The following TRIM37 variants were observed in gnomAD, a reference collection of about 807,000 sequenced individuals.
The protein encoded by TRIM37 is E3 ubiquitin-protein ligase TRIM37.
In TRIM37, 80 loss-of-function variants were observed where a neutral mutation model predicts 129.8. The ratio of observed to expected loss-of-function variants is 0.62; its 90% CI spans 0.51 to 0.74. TRIM37 has a LOEUF of 0.74. Ranked by LOEUF, TRIM37 falls within the 30% of genes least tolerant of loss-of-function variation. The probability of loss-of-function intolerance (pLI) is 0.00; values close to 1 mark genes in which losing one functional copy is unlikely to be tolerated. For synonymous variants in TRIM37, 389 were observed against 387.1 expected, an observed-to-expected ratio of 1.00 and a Z score of -0.06; for missense variants, 1,054 against 1,176.5, an observed-to-expected ratio of 0.90 and a Z score of 1.52.
At chr17:59,062,194 A>G (rs1333883372) in intron 11 of TRIM37, among the ~76,000 whole-genome samples, 2 of 152,336 alleles carry the variant, frequency 1.3e-5, no homozygotes, top group East Asian at 3.9e-4. Context: ...AAAGAAAATT[A>G]GTTTATTATC....
the TRIM37 span, among the ~76,000 whole-genome samples, chr17:58,973,950 TC>T: frequency 2.3e-5 from 1 of 44,098 alleles, no homozygotes. Flanking sequence ...AGACTCCATC[TC>T]AAAAAAAAAA....
intron 21 of TRIM37, among the ~76,000 whole-genome samples, chr17:59,013,858 C>T (rs1293133101): frequency 1.3e-5 from 2 of 151,798 alleles, no homozygotes; most frequent in African/African-American, 4.8e-5. Context: ...TTTGCTTACA[C>T]TACTTTAAAT....
chr17:59,051,398 C>G lies in TRIM37; in HGVS notation c.1200-70G>C. The stretch of plus-strand genomic sequence containing the variant: ...AACATTATCAGTCTAGCACTGAATT[C>G]TGCAATTTGGGTTAACTTGATTATA... On this transcript the variant is annotated intron_variant, in intron 13 of 23. Transcript: ENST00000262294. The G allele has an allele frequency of 3.6e-6, 4 of 1,124,514 alleles. No individual in the cohort carries two copies. The Admixed American group carries it at 7.2e-5, about 20-fold the overall frequency. 69.7% of individuals were successfully genotyped at this position (1,124,514 alleles called of 1,614,324 possible). A position where few individuals can be genotyped will look rare whatever the true frequency, so the allele number is the denominator to read the frequency against.
chr17:59,055,669 G>A (rs2040791111), intron 13 of TRIM37, among the ~76,000 whole-genome samples: 1 of 127,236 alleles, frequency 7.9e-6, no homozygotes, highest in Non-Finnish European at 1.6e-5. Flanking sequence ...CTGGGCGACA[G>A]AGGGAGACTC....
In TRIM37 at chr17:59,028,444, G is replaced by A. The variant is rs376290597; in HGVS notation, c.2228C>T (p.Ser743Leu). The A allele has an allele frequency of 5.5e-5, 89 of 1,613,474 alleles. No homozygotes were observed. The highest frequency in any genetic ancestry group is 7.4e-5 in the Non-Finnish European group (87 of 1,180,040). Reference sequence around the variant, plus strand: ...TCGTATGTAACAATTGGCAACTGATGACTTTGCCAGGAGTTCCATTCCCAA... The same window carrying A: ...TCGTATGTAACAATTGGCAACTGATAACTTTGCCAGGAGTTCCATTCCCAA... ...QDLGMELLAKSSVANCYIRNS... is the reference protein window; with the variant it reads ...QDLGMELLAKLSVANCYIRNS... Residue 743 changes from serine (S) to leucine (L), a missense_variant, in exon 19 of 24, where the codon TCA becomes TTA. This residue lies in a region of TRIM37 where 287 missense variants were observed against 274.3 expected (regional missense o/e 1.05). Transcript: ENST00000262294.
the TRIM37 span, chr17:58,969,499 A>G: frequency 2.6e-5 from 41 of 1,595,814 alleles, no homozygotes; most frequent in African/African-American, 1.1e-4. Context: ...GAATCATGCT[A>G]TACCCAACTC....
chr17:59,056,208 T>A (rs921032333), intron 13 of TRIM37, among the ~76,000 whole-genome samples: 2 of 150,678 alleles, frequency 1.3e-5, no homozygotes, highest in South Asian at 2.1e-4. Context: ...CCCACCCCCT[T>A]TTTTTTTTCT....
chr17:59,089,521 A>G (rs2044092849), intron 3 of TRIM37, among the ~76,000 whole-genome samples: 1 of 151,600 alleles, frequency 6.6e-6, no homozygotes, highest in African/African-American at 2.4e-5. Flanking sequence ...CGTGCCTGTA[A>G]TCCCAGCTAC....
chr17:59,007,853 T>C (rs967004245), intron 22 of TRIM37, among the ~76,000 whole-genome samples: 1 of 152,212 alleles, frequency 6.6e-6, no homozygotes, highest in Non-Finnish European at 1.5e-5. Context: ...AAACAACGCC[T>C]TAAAGTCCTC....
intron 14 of TRIM37, among the ~76,000 whole-genome samples, 155 bp downstream of exon 14, chr17:59,051,059 A>G (rs1389762123): frequency 6.6e-6 from 1 of 152,224 alleles, no homozygotes; most frequent in African/African-American, 2.4e-5. Flanking sequence ...GACACTGCAG[A>G]ACTGGTAAGG....
chr17:58,984,090 C>A (rs2031572176), intron 24 of TRIM37: 1 of 152,612 alleles, frequency 6.6e-6, no homozygotes, highest in African/African-American at 2.4e-5. Flanking sequence ...TATGTATATA[C>A]CTTTTCTTTA....
chr17:59,069,410 G>A (rs1264651385), intron 9 of TRIM37, among the ~76,000 whole-genome samples: 1 of 151,980 alleles, frequency 6.6e-6, no homozygotes, highest in East Asian at 1.9e-4. Flanking sequence ...TGAATGCTCT[G>A]TGGTCATCAG....
chr17:59,009,817 C>T (rs1456629391), intron 22 of TRIM37, among the ~76,000 whole-genome samples: 1 of 152,184 alleles, frequency 6.6e-6, no homozygotes, highest in Non-Finnish European at 1.5e-5. Flanking sequence ...GCTTACTCAC[C>T]TGTAAAACTA....
chr17:59,085,757 C>G (rs2043693747), intron 4 of TRIM37, among the ~76,000 whole-genome samples: 2 of 152,136 alleles, frequency 1.3e-5, no homozygotes, highest in African/African-American at 4.8e-5. Context: ...GTCATAGCAG[C>G]ATTATTCACT....
intron 22 of TRIM37, among the ~76,000 whole-genome samples, chr17:59,010,242 C>T (rs1173163839): frequency 1.3e-5 from 2 of 152,138 alleles, no homozygotes; most frequent in African/African-American, 4.8e-5. Flanking sequence ...TGACTAGAGA[C>T]ATTTTTGGTT....
chr17:59,096,798 T>G (rs1421929738), intron 2 of TRIM37, among the ~76,000 whole-genome samples: 1 of 152,156 alleles, frequency 6.6e-6, no homozygotes, highest in East Asian at 1.9e-4. Flanking sequence ...TCATTCATAA[T>G]GCTATATGAA....
At chr17:59,010,042 T>C (rs1427701474) in intron 22 of TRIM37, among the ~76,000 whole-genome samples, 1 of 152,196 alleles carries the variant, frequency 6.6e-6, no homozygotes, top group African/African-American at 2.4e-5. Flanking sequence ...ACTGCTCTCC[T>C]TGCCGCCCTC....
intron 15 of TRIM37, among the ~76,000 whole-genome samples, 177 bp from the exon 16 acceptor site, chr17:59,047,996 GA>G (rs2039987367): frequency 6.6e-6 from 1 of 152,136 alleles, no homozygotes; most frequent in African/African-American, 2.4e-5. Context: ...CACACTGACT[GA>G]TATCATTTTA....
chr17:59,031,370 G>A (rs1057163964), intron 18 of TRIM37, among the ~76,000 whole-genome samples: 7 of 151,938 alleles, frequency 4.6e-5, no homozygotes, highest in Admixed American at 1.3e-4. Context: ...CTCTATCCCC[G>A]AGAGTTTAAA....
Sources: gnomAD v4.1 joint callset for allele counts (sites outside exome capture counted in the v4.1 genomes callset) on GRCh38, gnomAD v4.1.1 for gene constraint, gnomAD v4.1.1 regional missense constraint, MANE v1.5 for transcripts, NCBI Gene and HGNC (gene_info 2026-07-23, HGNC 2026-07-21) for gene names.